DPYD: variants seen among roughly 807,000 people sequenced by gnomAD.
DPYD encodes dihydropyrimidine dehydrogenase [NADP(+)].
DPYD carries 109 observed loss-of-function variants against 116.2 expected under a neutral mutation model. The ratio of observed to expected loss-of-function variants is 0.94; its 90% CI spans 0.80 to 1.10. The LOEUF (loss-of-function observed/expected upper bound fraction) is 1.10. DPYD is among the 50% of genes least tolerant of loss of function. DPYD has a pLI of 0.00. For missense variants in DPYD, 1,302 were observed against 1,254.5 expected, an observed-to-expected ratio of 1.04 and a Z score of -0.57; for synonymous variants, 440 against 432.0, an observed-to-expected ratio of 1.02 and a Z score of -0.23.
intron 18 of DPYD, among the ~76,000 whole-genome samples, chr1:97,298,953 G>C (rs1282589697): frequency 6.6e-6 from 1 of 152,060 alleles, no homozygotes; most frequent in Non-Finnish European, 1.5e-5. Context: ...TAAGGGTCTG[G>C]CCTTTAGAAA....
At chr1:97,843,106 T>C (rs1670116751) in intron 2 of DPYD, among the ~76,000 whole-genome samples, 1 of 152,154 alleles carries the variant, frequency 6.6e-6, no homozygotes, top group Non-Finnish European at 1.5e-5. Context: ...CCTTCCTTCA[T>C]CATCCTGACT....
chr1:97,479,616 T>C (rs1178994361), intron 13 of DPYD, among the ~76,000 whole-genome samples: 1 of 152,156 alleles, frequency 6.6e-6, no homozygotes, highest in Non-Finnish European at 1.5e-5. Flanking sequence ...AGACAGAAAG[T>C]GAGCACATGC....
chr1:97,695,430 G>A (rs1169206199), intron 6 of DPYD, among the ~76,000 whole-genome samples: 1 of 148,142 alleles, frequency 6.8e-6, no homozygotes, highest in Non-Finnish European at 1.5e-5. Context: ...CTTCCTCCTT[G>A]CATTTATCCT....
intron 3 of DPYD, among the ~76,000 whole-genome samples, chr1:97,825,796 C>T (rs976459517): frequency 6.6e-5 from 10 of 151,880 alleles, no homozygotes; most frequent in Non-Finnish European, 4.4e-5. Flanking sequence ...GAAAGAAAAA[C>T]GGATGGTCCC....
Position 97,198,477 on chromosome 1 carries a change from A to G in DPYD, c.2443-5229T>C, listed in dbSNP as rs148157160. Among the ~76,000 whole-genome samples, 205 of 152,344 alleles carry G rather than the reference A, an allele frequency of 1.3e-3. 1 individual carries two copies. The highest frequency in any genetic ancestry group is 4.8e-3 in the African/African-American group (199 of 41,580). On this transcript the variant is annotated intron_variant, in intron 19 of 22. Coordinates refer to ENST00000370192, the MANE Select transcript of DPYD (RefSeq NM_000110.4). Reference sequence around the variant, plus strand: ...AGGATGCAAGTGCACCATTGAGAACAGCTTTGCCCATGGATTTGATCTCAG... The same window carrying G: ...AGGATGCAAGTGCACCATTGAGAACGGCTTTGCCCATGGATTTGATCTCAG...
intron 16 of DPYD, among the ~76,000 whole-genome samples, chr1:97,318,725 G>A (rs1338319507): frequency 6.7e-6 from 1 of 149,468 alleles, no homozygotes; most frequent in Non-Finnish European, 1.5e-5. Flanking sequence ...TCTGCACCAA[G>A]CGGACCTAAT....
intron 14 of DPYD, among the ~76,000 whole-genome samples, chr1:97,383,279 C>T (rs1672083968): frequency 6.6e-6 from 1 of 151,824 alleles, no homozygotes; most frequent in Admixed American, 6.6e-5. Flanking sequence ...GAGTTCGAGA[C>T]CAACCTGGCC....
chr1:97,407,437 G>C (rs144541639), intron 14 of DPYD, among the ~76,000 whole-genome samples: 10 of 152,044 alleles, frequency 6.6e-5, no homozygotes, highest in Admixed American at 6.6e-4. Context: ...TAATCCTGGC[G>C]TGTACATTAG....
At chr1:97,569,017 A>C (rs1652718985) in intron 11 of DPYD, among the ~76,000 whole-genome samples, 1 of 152,162 alleles carries the variant, frequency 6.6e-6, no homozygotes. Context: ...GGAGGCACAG[A>C]ATCACAGAAT....
chr1:97,111,184 C>T (rs1443336386), intron 20 of DPYD, among the ~76,000 whole-genome samples: 1 of 152,064 alleles, frequency 6.6e-6, no homozygotes, highest in Non-Finnish European at 1.5e-5. Flanking sequence ...AGCCTCCTAA[C>T]CAATCTACCT....
chr1:97,284,607 A>G (rs928700393), intron 18 of DPYD, among the ~76,000 whole-genome samples: 1 of 152,066 alleles, frequency 6.6e-6, no homozygotes, highest in Non-Finnish European at 1.5e-5. Context: ...TAAAGCATCA[A>G]ATAAAAGTTT....
intron 3 of DPYD, among the ~76,000 whole-genome samples, chr1:97,811,664 T>C (rs908263806): frequency 1.1e-4 from 17 of 152,274 alleles, no homozygotes; most frequent in African/African-American, 4.1e-4. Context: ...CTTAATTCCA[T>C]CTTAATACAC....
At chr1:97,398,500 T>C (rs896015066) in intron 14 of DPYD, among the ~76,000 whole-genome samples, 1 of 151,940 alleles carries the variant, frequency 6.6e-6, no homozygotes, top group Non-Finnish European at 1.5e-5. Flanking sequence ...TTTCTAGTTC[T>C]AGATCCCTGA....
intron 8 of DPYD, among the ~76,000 whole-genome samples, chr1:97,633,395 C>A (rs1276542581): frequency 6.6e-6 from 1 of 151,964 alleles, no homozygotes; most frequent in African/African-American, 2.4e-5. Context: ...TATTAAGCTG[C>A]CAAAGATAAG....
At chr1:97,905,864 C>G (rs1558044830) in intron 1 of DPYD, among the ~76,000 whole-genome samples, 1 of 152,060 alleles carries the variant, frequency 6.6e-6, no homozygotes, top group African/African-American at 2.4e-5. Context: ...TCTGAATAAA[C>G]AGCAATGTAA....
At chr1:97,525,895 C>CGT (rs34460898) in intron 12 of DPYD, among the ~76,000 whole-genome samples, 10,487 of 127,220 alleles carry the variant, frequency 0.082, 578 homozygotes, top group Non-Finnish European at 0.1. Context: ...TGCGCGCGCG[C>CGT]GTGTGTGTGT....
chr1:97,171,132 G>T (rs770204523), intron 20 of DPYD, among the ~76,000 whole-genome samples: 7 of 152,108 alleles, frequency 4.6e-5, no homozygotes, highest in Non-Finnish European at 1.0e-4. Flanking sequence ...TAACATACAT[G>T]GGCAGAATAG....
At chr1:97,454,236 A>G (rs1206430642) in intron 13 of DPYD, among the ~76,000 whole-genome samples, 2 of 152,014 alleles carry the variant, frequency 1.3e-5, no homozygotes, top group Non-Finnish European at 2.9e-5. Flanking sequence ...TTTTTAAATT[A>G]AGTGAAAGAT....
At chr1:97,396,725 T>C (rs1341839592) in intron 14 of DPYD, among the ~76,000 whole-genome samples, 1 of 152,034 alleles carries the variant, frequency 6.6e-6, no homozygotes, top group Non-Finnish European at 1.5e-5. Context: ...ATATACTGCC[T>C]ACCGCATGCC....
Sources: gnomAD v4.1 joint callset for allele counts (sites outside exome capture counted in the v4.1 genomes callset) on GRCh38, gnomAD v4.1.1 for gene constraint, MANE v1.5 for transcripts, NCBI Gene and HGNC (gene_info 2026-07-23, HGNC 2026-07-21) for gene names.